JMY: variants seen among roughly 807,000 people sequenced by gnomAD.
JMY encodes the protein junction mediating and regulatory protein, p53 cofactor.
In JMY, 46 loss-of-function variants were observed where a neutral mutation model predicts 103.3. The observed-to-expected ratio is 0.45, with a 90% CI of 0.35 to 0.57. JMY has a LOEUF of 0.57. Ranked by LOEUF, JMY falls within the 20% of genes least tolerant of loss-of-function variation. The pLI, the probability that JMY is intolerant of heterozygous loss-of-function variation, is 0.00. For missense variants in JMY, 1,238 were observed against 1,255.2 expected (o/e 0.99, Z 0.21); for synonymous variants, 526 against 489.3 (o/e 1.07, Z -0.99).
intron 8 of JMY, among the ~76,000 whole-genome samples, chr5:79,313,044 C>T (rs959653263): frequency 6.6e-6 from 1 of 152,166 alleles, no homozygotes; most frequent in Non-Finnish European, 1.5e-5. Flanking sequence ...TGGAGCCTTA[C>T]TTCAGTTATG....
Position 79,326,252 on chromosome 5 carries a change from A to T in JMY, c.*4650A>T, listed in dbSNP as rs1177169469. On this transcript the variant is annotated 3_prime_UTR_variant, in exon 11 of 11. Coordinates refer to ENST00000396137, the MANE Select transcript of JMY (RefSeq NM_152405.5). ...TGGCTAAATTTGGGGGAATTGGTGGATAGGAAAGACCTTGAAAAGTGATGT... is the reference window on the plus strand; with the variant it reads ...TGGCTAAATTTGGGGGAATTGGTGGTTAGGAAAGACCTTGAAAAGTGATGT... 1 of 152,038 alleles carries T rather than the reference A, an allele frequency of 6.6e-6. No individual in the cohort carries two copies. Among genetic ancestry groups the T allele is most frequent in the Non-Finnish European group, 1.5e-5 (1 of 67,992 alleles). 9.4% of individuals were successfully genotyped at this position (152,038 alleles called of 1,614,324 possible).
intron 2 of JMY, among the ~76,000 whole-genome samples, chr5:79,289,581 A>G (rs547261176): frequency 6.6e-6 from 1 of 152,164 alleles, no homozygotes; most frequent in Non-Finnish European, 1.5e-5. Context: ...TTGTTTTAGC[A>G]TTCACCTGGT....
chr5:79,240,436 A>AGG (rs559697256), intron 1 of JMY, among the ~76,000 whole-genome samples: 202 of 151,590 alleles, frequency 1.3e-3, no homozygotes, highest in African/African-American at 4.2e-3. Flanking sequence ...TCAGCCTCCC[A>AGG]AGTAGCTGTG....
chr5:79,269,904 T>A (rs1396428902), intron 1 of JMY, among the ~76,000 whole-genome samples: 2 of 151,716 alleles, frequency 1.3e-5, no homozygotes, highest in African/African-American at 4.8e-5. Context: ...ATTAAAAAAT[T>A]TTTTTTTGTA....
At position 79,327,175 on chromosome 5, in the gene JMY, C is replaced by T. The variant is rs1365341936; in HGVS notation, c.*5573C>T. 2 of 147,560 alleles carry T rather than the reference C, an allele frequency of 1.4e-5. No individual in the cohort carries two copies. The highest frequency in any genetic ancestry group is 3.0e-5 in the Non-Finnish European group (2 of 67,464). The allele number at this position is 147,560 out of a possible 1,614,324, so 9.1% of individuals were successfully genotyped here. ...AGTTTTGGTGCTTTTAACAATATTCCTCTTTTTCTTTAATAAAGGATATTT... is the reference window on the plus strand; with the variant it reads ...AGTTTTGGTGCTTTTAACAATATTCTTCTTTTTCTTTAATAAAGGATATTT... On this transcript the variant is annotated 3_prime_UTR_variant, in exon 11 of 11. Coordinates refer to ENST00000396137, the MANE Select transcript of JMY (RefSeq NM_152405.5).
chr5:79,261,439 C>T (rs1745419537), intron 1 of JMY, among the ~76,000 whole-genome samples: 1 of 152,012 alleles, frequency 6.6e-6, no homozygotes, highest in African/African-American at 2.4e-5. Context: ...TGACTGTAGT[C>T]CCAGCTACTC....
At position 79,314,238 on chromosome 5, in the gene JMY, A is replaced by G. The variant is rs757759738; in HGVS notation, c.2065-19A>G. 1.3e-6 allele frequency: 2 copies of G among 1,581,088 alleles called. No individual in the cohort carries two copies. Among genetic ancestry groups the G allele is most frequent in the Non-Finnish European group, 1.7e-6 (2 of 1,167,108 alleles). ...TTTCAATAACATTTAACCAGTTCCA[A>G]TAACTTCTGGTATTTTAGAGGTATC... On this transcript the variant is annotated intron_variant, in intron 8 of 10. Coordinates refer to ENST00000396137, the MANE Select transcript of JMY (RefSeq NM_152405.5).
At chr5:79,276,462 C>T (rs1030044883) in intron 1 of JMY, among the ~76,000 whole-genome samples, 2 of 151,972 alleles carry the variant, frequency 1.3e-5, no homozygotes, top group Non-Finnish European at 2.9e-5. Context: ...CAAGGTCTCA[C>T]TTCGTCACCT....
At chr5:79,278,147 T>C (rs16876598) in intron 2 of JMY, 64 bp downstream of exon 2, 710,528 of 1,218,380 alleles carry the variant, frequency 0.58, 212,774 homozygotes, top group Non-Finnish European at 0.61. Flanking sequence ...TGAAAGGCCA[T>C]GCGTTATCCA....
Position 79,300,706 on chromosome 5 carries a change from C to T in JMY, c.1724C>T (p.Thr575Ile). ...AGAGATGAAGTGGTATACTATGACA[C>T]TTACGAAAGCATGGAGGCCATGCTG... ...EKRDEVVYYDTYESMEAMLEK... is the reference protein window; with the variant it reads ...EKRDEVVYYDIYESMEAMLEK... Residue 575 changes from threonine to isoleucine, a missense_variant, in exon 6 of 11, where the codon ACT (threonine) becomes ATT (isoleucine). Coordinates refer to ENST00000396137, the MANE Select transcript of JMY (RefSeq NM_152405.5). The T allele has an allele frequency of 6.2e-7, 1 of 1,608,244 alleles. No homozygotes were observed. The highest frequency in any genetic ancestry group is 8.5e-7 in the Non-Finnish European group (1 of 1,178,518).
chr5:79,277,885 G>C, intron 1 of JMY, 25 bp from the exon 2 acceptor site: 1 of 1,590,782 alleles, frequency 6.3e-7, no homozygotes, highest in Non-Finnish European at 8.6e-7. Flanking sequence ...GATTTTCTTA[G>C]TTGTGAAACT....
chr5:79,292,640 G>A (rs1467442005), intron 4 of JMY, among the ~76,000 whole-genome samples: 3 of 152,070 alleles, frequency 2.0e-5, no homozygotes, highest in African/African-American at 7.2e-5. Context: ...TAGCATTATT[G>A]TTCTAACCTG....
chr5:79,270,462 T>TTACA (rs1468148385), intron 1 of JMY, among the ~76,000 whole-genome samples: 1 of 85,048 alleles, frequency 1.2e-5, no homozygotes, highest in African/African-American at 4.4e-5. Context: ...ACATAAATAT[T>TTACA]TAAAATGTAT....
intron 2 of JMY, among the ~76,000 whole-genome samples, chr5:79,280,525 A>C (rs1746074783): frequency 6.6e-6 from 1 of 152,186 alleles, no homozygotes. Flanking sequence ...TTCTTTTTCT[A>C]AGACATTGAG....
rs117420987 is a variant in JMY, at chr5:79,274,406, G to T, written c.1033-3504G>T. On this transcript the variant is annotated intron_variant, in intron 1 of 10. Coordinates refer to ENST00000396137, the MANE Select transcript of JMY (RefSeq NM_152405.5). Reference sequence around the variant, plus strand: ...TTTTTTAAAAATAGTGTTTTTTTTTGTTTGTTTGTTTGTTTTTAATTGAGA... The same window carrying T: ...TTTTTTAAAAATAGTGTTTTTTTTTTTTTGTTTGTTTGTTTTTAATTGAGA... Among the ~76,000 whole-genome samples the T allele has an allele frequency of 9.8e-3, 1,370 of 139,854 alleles. 41 individuals are homozygous for T. The East Asian group carries it at 0.11, about 12-fold the overall frequency. The allele number at this position is 139,854 out of a possible 152,430, so 91.7% of individuals were successfully genotyped here.
chr5:79,239,679 CGG>C (rs1190930058), intron 1 of JMY, among the ~76,000 whole-genome samples: 1 of 151,792 alleles, frequency 6.6e-6, no homozygotes, highest in East Asian at 2.0e-4. Flanking sequence ...GGTGTGGTGG[CGG>C]GCACCTGTAG....
At chr5:79,251,133 T>G (rs1745072874) in intron 1 of JMY, among the ~76,000 whole-genome samples, 1 of 152,116 alleles carries the variant, frequency 6.6e-6, no homozygotes, top group Non-Finnish European at 1.5e-5. Context: ...AAAAGTCAAG[T>G]TATTTGAAAA....
intron 10 of JMY, among the ~76,000 whole-genome samples, chr5:79,317,780 C>A (rs988167832): frequency 2.0e-5 from 3 of 152,112 alleles, no homozygotes; most frequent in Admixed American, 6.5e-5. Flanking sequence ...CTCACTGCAG[C>A]CTCAACCTTC....
intron 7 of JMY, among the ~76,000 whole-genome samples, chr5:79,309,029 AC>A (rs1746968397): frequency 6.6e-6 from 1 of 152,106 alleles, no homozygotes; most frequent in African/African-American, 2.4e-5. Context: ...AAAACAATTG[AC>A]TTTTGTTAAT....
Sources: gnomAD v4.1 joint callset for allele counts (sites outside exome capture counted in the v4.1 genomes callset) on GRCh38, gnomAD v4.1.1 for gene constraint, MANE v1.5 for transcripts, NCBI Gene and HGNC (gene_info 2026-07-23, HGNC 2026-07-21) for gene names.